Variants in GRIA3 observed in about 807,000 individuals in gnomAD.
GRIA3 encodes the protein glutamate ionotropic receptor AMPA type subunit 3, also known as glutamate receptor 3.
A neutral mutation model predicts 63.0 loss-of-function variants in GRIA3; 3 were observed. The ratio of observed to expected loss-of-function variants is 0.05; its 90% CI spans 0.02 to 0.12. The LOEUF (loss-of-function observed/expected upper bound fraction) is 0.12, where lower values mean the gene tolerates loss of function less well. Among genes scored for constraint, GRIA3 ranks in the 10% least tolerant of loss-of-function variants. The pLI is 1.00. For synonymous variants in GRIA3, 274 were observed against 257.9 expected (o/e 1.06, Z -0.60); for missense variants, 347 against 700.9 (o/e 0.50, Z 5.70).
chrX:123,260,680 A>G (rs941959172), intron 3 of GRIA3, among the ~76,000 whole-genome samples: 2 of 107,863 alleles, frequency 1.9e-5, no homozygotes, highest in African/African-American at 6.7e-5. Context: ...TGAAGTCAAG[A>G]GAGTTTTTAT....
At chrX:123,272,720 T>G (rs1321899657) in intron 3 of GRIA3, among the ~76,000 whole-genome samples, 1 of 112,075 alleles carries the variant, frequency 8.9e-6, no homozygotes, top group African/African-American at 3.2e-5. Flanking sequence ...AGATCCCTTT[T>G]TCCCCCTTAC....
chrX:123,383,732 G>A (rs1035141637), intron 5 of GRIA3, among the ~76,000 whole-genome samples: 23 of 110,440 alleles, frequency 2.1e-4, no homozygotes, highest in Non-Finnish European at 4.2e-4. Flanking sequence ...TTTGGTTCAA[G>A]GGTACATGTG....
intron 2 of GRIA3, among the ~76,000 whole-genome samples, chrX:123,247,193 G>A (rs1361802611): frequency 1.8e-5 from 2 of 112,259 alleles, no homozygotes; most frequent in African/African-American, 3.2e-5. Context: ...AGAGACTTCA[G>A]TTTCCCTCTT....
At chrX:123,243,107 ACT>A (rs1179054107) in intron 2 of GRIA3, among the ~76,000 whole-genome samples, 1 of 110,162 alleles carries the variant, frequency 9.1e-6, no homozygotes, top group African/African-American at 3.3e-5. Context: ...AAACTCCAAA[ACT>A]CTTTACCTTC....
At chrX:123,280,849 A>G (rs2044582143) in intron 3 of GRIA3, among the ~76,000 whole-genome samples, 1 of 111,908 alleles carries the variant, frequency 8.9e-6, no homozygotes, top group Non-Finnish European at 1.9e-5. Context: ...GTTTCTGGCT[A>G]AACAAAATTT....
At chrX:123,215,483 T>G in intron 2 of GRIA3, among the ~76,000 whole-genome samples, 1 of 111,652 alleles carries the variant, frequency 9.0e-6, no homozygotes, top group Non-Finnish European at 1.9e-5. Flanking sequence ...AGTACAGCAC[T>G]ATGATGTCAG....
intron 11 of GRIA3, among the ~76,000 whole-genome samples, chrX:123,427,733 C>G (rs187803688): frequency 9.9e-5 from 11 of 110,872 alleles, no homozygotes. Context: ...AAGTATTATG[C>G]ATGCACCATC....
At chrX:123,311,953 T>C (rs1320966356) in intron 3 of GRIA3, among the ~76,000 whole-genome samples, 3 of 112,164 alleles carry the variant, frequency 2.7e-5, no homozygotes, top group African/African-American at 9.7e-5. Context: ...TAGTTAAGTG[T>C]TTTTCTTCAT....
chrX:123,356,281 T>C (rs2045133261), intron 5 of GRIA3, among the ~76,000 whole-genome samples: 1 of 110,074 alleles, frequency 9.1e-6, no homozygotes, highest in South Asian at 3.9e-4. Context: ...TTTCCTTCCT[T>C]CCTTTCTTCT....
At chrX:123,209,490 T>C (rs924843143) in intron 2 of GRIA3, among the ~76,000 whole-genome samples, 3 of 111,601 alleles carry the variant, frequency 2.7e-5, no homozygotes, top group African/African-American at 9.8e-5. Context: ...TCTCTTACTC[T>C]TCTATGCAAC....
intron 2 of GRIA3, among the ~76,000 whole-genome samples, chrX:123,202,145 G>A (rs16997161): frequency 0.051 from 5,691 of 112,161 alleles, 162 homozygotes; most frequent in South Asian, 0.21. Context: ...TACAGCCCAC[G>A]TCAGGCAAGG....
intron 11 of GRIA3, among the ~76,000 whole-genome samples, chrX:123,425,959 C>T (rs1217336163): frequency 9.0e-6 from 1 of 111,332 alleles, no homozygotes; most frequent in Admixed American, 9.6e-5. Context: ...AAAAGGTTAC[C>T]TTGGGACACA....
At chrX:123,304,997 T>C (rs780513078) in intron 3 of GRIA3, among the ~76,000 whole-genome samples, 18 of 111,632 alleles carry the variant, frequency 1.6e-4, no homozygotes, top group Non-Finnish European at 3.0e-4. Context: ...TTCCACCCCA[T>C]GGTTATAAAT....
At chrX:123,213,508 T>C (rs1279119375) in intron 2 of GRIA3, among the ~76,000 whole-genome samples, 3 of 112,009 alleles carry the variant, frequency 2.7e-5, no homozygotes, top group Non-Finnish European at 5.6e-5. Context: ...GGGATGTTAA[T>C]CTAGATAGGT....
At chrX:123,294,960 C>G (rs1006880359) in intron 3 of GRIA3, among the ~76,000 whole-genome samples, 1 of 111,533 alleles carries the variant, frequency 9.0e-6, no homozygotes, top group Non-Finnish European at 1.9e-5. Flanking sequence ...TGCCTATCTG[C>G]TAGCGATAAC....
chrX:123,238,401 T>C (rs1286208822), intron 2 of GRIA3, among the ~76,000 whole-genome samples: 1 of 111,185 alleles, frequency 9.0e-6, no homozygotes, highest in Non-Finnish European at 1.9e-5. Context: ...CTGCAGGAAG[T>C]GATAAACAGT....
At chrX:123,336,616 T>G (rs2044975935) in intron 4 of GRIA3, among the ~76,000 whole-genome samples, 1 of 111,114 alleles carries the variant, frequency 9.0e-6, no homozygotes, top group African/African-American at 3.3e-5. Flanking sequence ...TACATATATA[T>G]ATTTAGAAAT....
intron 2 of GRIA3, among the ~76,000 whole-genome samples, chrX:123,199,394 AT>A (rs1229444883): frequency 2.8e-5 from 3 of 105,290 alleles, no homozygotes; most frequent in Admixed American, 1.1e-4. Flanking sequence ...GCCACTTCCT[AT>A]CCCAGTGTAC....
intron 2 of GRIA3, among the ~76,000 whole-genome samples, chrX:123,220,399 A>C (rs1395049100): frequency 8.9e-6 from 1 of 112,465 alleles, no homozygotes; most frequent in East Asian, 2.8e-4. Flanking sequence ...GTTAATGAAC[A>C]TAGGTAAGGA....
Sources: allele counts gnomAD v4.1 joint callset (sites outside exome capture counted in the v4.1 genomes callset), GRCh38; gene constraint gnomAD v4.1.1; transcripts MANE v1.5; gene names NCBI Gene and HGNC (gene_info 2026-07-23, HGNC 2026-07-21).